Variants in NCAPD2 observed in about 807,000 individuals in gnomAD.
NCAPD2 encodes non-SMC condensin I complex subunit D2.
A neutral mutation model predicts 164.5 loss-of-function variants in NCAPD2; 100 were observed. That is an observed-to-expected ratio of 0.61 (90% CI 0.52 to 0.72). The LOEUF is 0.72. Ranked by LOEUF, NCAPD2 falls within the 30% of genes least tolerant of loss-of-function variation. The pLI, the probability that NCAPD2 is intolerant of heterozygous loss-of-function variation, is 0.00. For synonymous variants in NCAPD2, 585 were observed against 642.6 expected, an observed-to-expected ratio of 0.91 and a Z score of 1.36; for missense variants, 1,560 against 1,749.2, an observed-to-expected ratio of 0.89 and a Z score of 1.93.
In NCAPD2 at chr12:6,531,571, C is replaced by A; in HGVS notation, c.*159C>A. The A allele has an allele frequency of 1.4e-6, 2 of 1,441,992 alleles. No individual in the cohort carries two copies. The highest frequency in any genetic ancestry group is 1.9e-6 in the Non-Finnish European group (2 of 1,073,472). 89.3% of individuals were successfully genotyped at this position (1,441,992 alleles called of 1,614,324 possible). ...CTGTAATCCCAGCACTTTGCGATAC[C>A]AAGGCGGGTGGATAACCTGAGGTAG... On this transcript the variant is annotated 3_prime_UTR_variant, in exon 32 of 32. Transcript: ENST00000315579. This position sits in a 1 kb window ranked among gnomAD's most constrained non-coding sequence, Gnocchi z 4.1.
intron 2 of NCAPD2, among the ~76,000 whole-genome samples, chr12:6,509,089 TA>T (rs1404790226): frequency 1.3e-5 from 2 of 150,944 alleles, no homozygotes; most frequent in Non-Finnish European, 3.0e-5. Context: ...TTTTTTTTTT[TA>T]AAAGATCCTG....
intron 5 of NCAPD2, 76 bp from the exon 6 acceptor site, chr12:6,511,034 T>C: frequency 6.7e-7 from 1 of 1,499,310 alleles, no homozygotes; most frequent in Non-Finnish European, 9.1e-7. Flanking sequence ...CTAGATTGTT[T>C]GGGCACTCAG....
chr12:6,523,392 T>G, intron 17 of NCAPD2, 46 bp downstream of exon 17: 1 of 1,363,682 alleles, frequency 7.3e-7, no homozygotes, highest in Non-Finnish European at 9.9e-7. Flanking sequence ...AACAAGTATT[T>G]TGGTTGTTTT....
intron 2 of NCAPD2, among the ~76,000 whole-genome samples, chr12:6,495,532 T>C (rs1370596946): frequency 6.6e-6 from 1 of 152,096 alleles, no homozygotes; most frequent in Non-Finnish European, 1.5e-5. Context: ...GATTTAAGAG[T>C]TATAGGAGTG....
intron 17 of NCAPD2, among the ~76,000 whole-genome samples, chr12:6,525,323 C>T (rs16932751): frequency 1.3e-5 from 2 of 152,084 alleles, no homozygotes; most frequent in Non-Finnish European, 2.9e-5. Flanking sequence ...AGACTTAGAA[C>T]TATGGACCCA....
chr12:6,509,159 G>A (rs1324090586), intron 2 of NCAPD2, among the ~76,000 whole-genome samples: 1 of 152,006 alleles, frequency 6.6e-6, no homozygotes, highest in Non-Finnish European at 1.5e-5. Context: ...ACTCTAAGGT[G>A]TAAAGTAGGC....
chr12:6,512,493 C>A (rs1946161079), intron 6 of NCAPD2, among the ~76,000 whole-genome samples: 1 of 152,136 alleles, frequency 6.6e-6, no homozygotes, highest in Admixed American at 6.5e-5. Context: ...CACGTACGAG[C>A]AATAGCAAGG....
chr12:6,509,709 CT>C lies in NCAPD2; in HGVS notation c.128-6del, dbSNP rs761892880. 6.2e-7 allele frequency: 1 copy of C among 1,613,448 alleles called. No individual in the cohort carries two copies. The highest frequency in any genetic ancestry group is 2.2e-5 in the East Asian group (1 of 44,870). On this transcript the variant is annotated splice_region_variant and splice_polypyrimidine_tract_variant and intron_variant, in intron 2 of 31. Transcript: ENST00000315579. ...CTCCAAATTGATTTGTTTTTTCCAT[CT>C]TCATAGCTTTTCAGGCTGCCTTTCG...
At chr12:6,502,269 T>C (rs1288462978) in intron 2 of NCAPD2, among the ~76,000 whole-genome samples, 4 of 152,020 alleles carry the variant, frequency 2.6e-5, no homozygotes, top group Non-Finnish European at 5.9e-5. Context: ...CAGGTAAATA[T>C]AGAGCTTGGG....
At chr12:6,496,901 A>C (rs1945989885) in intron 2 of NCAPD2, among the ~76,000 whole-genome samples, 1 of 152,210 alleles carries the variant, frequency 6.6e-6, no homozygotes, top group East Asian at 1.9e-4. Context: ...CTAGGCCTAC[A>C]CAGGGTCAAG....
At chr12:6,504,194 T>TACACAC (rs1351021359) in intron 2 of NCAPD2, among the ~76,000 whole-genome samples, 6 of 33,580 alleles carry the variant, frequency 1.8e-4, no homozygotes, top group Admixed American at 1.1e-3. Context: ...TATATATATA[T>TACACAC]ATATATATAT....
Position 6,516,545 on chromosome 12 carries a change from A to C in NCAPD2, c.988-283A>C, listed in dbSNP as rs1033759589. ...ACAATAACAAAGGCTTTGAGACCTC[A>C]GCTGAAGGGTAGTTAATAAATGCTT... is the stretch of plus-strand genomic sequence containing the variant. On this transcript the variant is annotated intron_variant, in intron 9 of 31. Coordinates refer to ENST00000315579, the MANE Select transcript of NCAPD2 (RefSeq NM_014865.4). Among the ~76,000 whole-genome samples the C allele has an allele frequency of 1.6e-4, 25 of 152,182 alleles. 1 individual carries two copies. The highest frequency in any genetic ancestry group is 5.5e-4 in the African/African-American group (23 of 41,464).
At chr12:6,497,106 A>G (rs1204366201) in intron 2 of NCAPD2, among the ~76,000 whole-genome samples, 1 of 152,224 alleles carries the variant, frequency 6.6e-6, no homozygotes, top group African/African-American at 2.4e-5. Flanking sequence ...ACTTGAGCAT[A>G]TCAACCATTT....
rs370458466 is a variant in NCAPD2 at position 6,529,782 on chromosome 12, C to G, written c.3661C>G (p.Arg1221Gly). The change falls in exon 29 of 32, where the codon CGG (arginine) becomes GGG (glycine). Residue 1221 changes from arginine (R) to glycine (G), a missense_variant. By Grantham distance (125) the Arg-to-Gly change is moderately radical (BLOSUM62 -2). Coordinates refer to ENST00000315579, the MANE Select transcript of NCAPD2 (RefSeq NM_014865.4). ...CQRFRTSRTE[R>G]QQRDLAYCVS... ...AGCCCTTCCTATCTGCAGAACTGAGCGGCAGCAGCGAGACCTGGCCTACTG... is the reference window on the plus strand; with the variant it reads ...AGCCCTTCCTATCTGCAGAACTGAGGGGCAGCAGCGAGACCTGGCCTACTG... 1 of 1,612,012 alleles carries G rather than the reference C, an allele frequency of 6.2e-7. No homozygotes were observed.
At chr12:6,521,143 C>T (rs2137055306) in intron 14 of NCAPD2, 33 bp downstream of exon 14, 2 of 1,610,110 alleles carry the variant, frequency 1.2e-6, no homozygotes, top group Admixed American at 1.7e-5. Flanking sequence ...CAATAAATAA[C>T]ACATGTCAAC....
At position 6,526,285 on chromosome 12, in the gene NCAPD2, A is replaced by C; in HGVS notation, c.2482-2A>C. On this transcript the variant is annotated splice_acceptor_variant, in intron 19 of 31. Coordinates refer to ENST00000315579, the MANE Select transcript of NCAPD2 (RefSeq NM_014865.4). LOFTEE classifies it high-confidence loss of function. ...ACACCCACGTTGTCTTGCTCTCCAC[A>C]GCCTTCTCTGGGCAAACGTCACCCC... The C allele has an allele frequency of 6.2e-7, 1 of 1,614,138 alleles. No individual in the cohort carries two copies. The highest frequency in any genetic ancestry group is 1.1e-5 in the South Asian group (1 of 91,080).
chr12:6,499,464 T>C (rs1352778484), intron 2 of NCAPD2, among the ~76,000 whole-genome samples: 1 of 152,150 alleles, frequency 6.6e-6, no homozygotes, highest in Admixed American at 6.5e-5. Flanking sequence ...ATCGGCTCAC[T>C]GCACCCTCCA....
intron 8 of NCAPD2, 73 bp downstream of exon 8, chr12:6,514,660 T>A: frequency 3.7e-6 from 6 of 1,611,018 alleles, no homozygotes; most frequent in Non-Finnish European, 5.1e-6. Context: ...TGGAAATACA[T>A]TATCTGTGCA....
At chr12:6,498,098 G>A (rs1223760036) in intron 2 of NCAPD2, among the ~76,000 whole-genome samples, 1 of 151,408 alleles carries the variant, frequency 6.6e-6, no homozygotes, top group Non-Finnish European at 1.5e-5. Flanking sequence ...TTGTAGCAAC[G>A]AGGTTTTGCC....
Sources: gnomAD v4.1 joint callset for allele counts (sites outside exome capture counted in the v4.1 genomes callset) on GRCh38, gnomAD v4.1.1 for gene constraint, Gnocchi (gnomAD v3.1) non-coding constraint, MANE v1.5 for transcripts, NCBI Gene and HGNC (gene_info 2026-07-23, HGNC 2026-07-21) for gene names.